Variants in HNRNPM observed in about 807,000 individuals in gnomAD.
HNRNPM encodes the protein heterogeneous nuclear ribonucleoprotein M.
HNRNPM carries 11 observed loss-of-function variants against 73.1 expected under a neutral mutation model. That is an observed-to-expected ratio of 0.15 (90% confidence interval 0.09 to 0.25). The LOEUF (loss-of-function observed/expected upper bound fraction) is 0.25. Among genes scored for constraint, HNRNPM ranks in the 10% least tolerant of loss-of-function variants. HNRNPM has a pLI of 1.00. For missense variants in HNRNPM, 789 were observed against 1,067.9 expected (o/e 0.74, Z 3.64); for synonymous variants, 407 against 355.2 (o/e 1.15, Z -1.64).
chr19:8,485,554 G>A (rs377132951), intron 13 of HNRNPM, 49 bp from the exon 14 acceptor site: 36 of 1,547,628 alleles, frequency 2.3e-5, no homozygotes, highest in African/African-American at 8.1e-5. Flanking sequence ...TTGTGCACAC[G>A]CACACTCAAG....
In HNRNPM at chr19:8,486,183, T is replaced by C. The variant is rs1599860555; in HGVS notation, c.1755T>C (p.Gly585=). Residue 585 remains glycine, a synonymous_variant, in exon 14 of 16, where the codon GGT becomes GGC. Coordinates refer to ENST00000325495, the MANE Select transcript of HNRNPM (RefSeq NM_005968.5). The part of the protein sequence containing the change: ...SLERMGLERM[G]ANSLERMGPA... ...AGCGCATGGGCCTGGAGCGCATGGG[T>C]GCCAACAGCCTCGAGCGCATGGGCC... 4 of 1,583,072 alleles carry C rather than the reference T, an allele frequency of 2.5e-6. No homozygotes were observed. The highest frequency in any genetic ancestry group is 3.4e-6 in the Non-Finnish European group (4 of 1,163,580).
chr19:8,488,589 C>T, intron 15 of HNRNPM, 102 bp from the exon 16 acceptor site: 1 of 1,009,088 alleles, frequency 9.9e-7, no homozygotes, highest in South Asian at 1.7e-5. Flanking sequence ...GTATTCTGAG[C>T]CTTTGTGCTC....
chr19:8,466,575 C>A lies in HNRNPM; in HGVS notation c.784+187C>A, dbSNP rs1227888251. On this transcript the variant is annotated intron_variant, in intron 7 of 15. Coordinates refer to ENST00000325495, the MANE Select transcript of HNRNPM (RefSeq NM_005968.5). The stretch of plus-strand genomic sequence containing the variant: ...GGTCACGGTGGCTCACGCCTGTAAT[C>A]CCAGCACTTCGGGAGGCCAAGGCGG... 2.0e-5 allele frequency among the ~76,000 whole-genome samples: 3 copies of A among 152,108 alleles called. No homozygotes were observed. The East Asian group carries it at 5.8e-4, about 29-fold the overall frequency.
At chr19:8,480,811 T>C (rs1201550453) in intron 12 of HNRNPM, among the ~76,000 whole-genome samples, 1 of 152,216 alleles carries the variant, frequency 6.6e-6, no homozygotes, top group Non-Finnish European at 1.5e-5. Flanking sequence ...GGATGTGGGC[T>C]TCTTGCCTTT....
intron 15 of HNRNPM, chr19:8,487,396 A>G: frequency 2.9e-6 from 1 of 344,370 alleles, no homozygotes. Flanking sequence ...GCAAGGCTAA[A>G]TAAATACATC....
chr19:8,474,687 T>G (rs1970381302), intron 12 of HNRNPM, among the ~76,000 whole-genome samples: 1 of 150,518 alleles, frequency 6.6e-6, no homozygotes, highest in Non-Finnish European at 1.5e-5. Flanking sequence ...CAAATTCTGG[T>G]TTAGTATAAT....
chr19:8,451,687 C>G (rs1482635512), intron 1 of HNRNPM, among the ~76,000 whole-genome samples: 4 of 151,942 alleles, frequency 2.6e-5, no homozygotes, highest in East Asian at 3.9e-4. Context: ...ACCAACATAC[C>G]TGGCTAATTT....
intron 5 of HNRNPM, 91 bp downstream of exon 5, chr19:8,463,777 G>C: frequency 1.2e-6 from 1 of 858,780 alleles, no homozygotes. Flanking sequence ...GTCCCAGACG[G>C]CATTTACAAA....
chr19:8,445,285 G>T, intron 1 of HNRNPM, 174 bp downstream of exon 1: 1 of 519,822 alleles, frequency 1.9e-6, no homozygotes, highest in Non-Finnish European at 3.1e-6. Context: ...GGAGCCGGGG[G>T]AGCCTCCAGA....
At chr19:8,459,777 C>T (rs1466508941) in intron 2 of HNRNPM, among the ~76,000 whole-genome samples, 3 of 152,174 alleles carry the variant, frequency 2.0e-5, no homozygotes, top group Non-Finnish European at 4.4e-5. Flanking sequence ...TTGGGTTGCT[C>T]ATCTGCTTAT....
chr19:8,477,609 G>A (rs963959163), intron 12 of HNRNPM, among the ~76,000 whole-genome samples: 1 of 145,648 alleles, frequency 6.9e-6, no homozygotes, highest in Non-Finnish European at 1.5e-5. Context: ...GCATGATCAC[G>A]CCACTGCATT....
intron 8 of HNRNPM, 103 bp downstream of exon 8, chr19:8,467,687 C>CT (rs1657714260): frequency 4.4e-6 from 4 of 912,826 alleles, no homozygotes; most frequent in Admixed American, 1.8e-5. Flanking sequence ...GTGGATTAGT[C>CT]TAAGTTAAAT....
At chr19:8,474,140 A>G (rs1210536508) in intron 11 of HNRNPM, 27 bp from the exon 12 acceptor site, 1 of 1,538,986 alleles carries the variant, frequency 6.5e-7, no homozygotes. Context: ...TTGTTGGATG[A>G]TGCTGAAATG....
intron 15 of HNRNPM, chr19:8,487,452 G>A (rs536627221): frequency 5.9e-5 from 15 of 255,588 alleles, no homozygotes; most frequent in African/African-American, 1.1e-4. Flanking sequence ...GTGGGGCCTC[G>A]GAGAGAACAC....
At chr19:8,445,161 C>A in intron 1 of HNRNPM, 50 bp downstream of exon 1, 1 of 1,325,058 alleles carries the variant, frequency 7.5e-7, no homozygotes. Flanking sequence ...TCTCCGCGGC[C>A]GACGCGGGCG....
chr19:8,483,633 T>C (rs573670240), intron 13 of HNRNPM, among the ~76,000 whole-genome samples: 136 of 152,282 alleles, frequency 8.9e-4, no homozygotes, highest in Admixed American at 1.5e-3. Flanking sequence ...GCTTGTAAAA[T>C]AGATAAATGT....
chr19:8,447,718 C>G (rs187070604), intron 1 of HNRNPM, among the ~76,000 whole-genome samples: 4 of 152,006 alleles, frequency 2.6e-5, no homozygotes, highest in Admixed American at 2.0e-4. Context: ...AACCCTGTCT[C>G]TACCAAAAAA....
chr19:8,451,131 T>C (rs1599747141), intron 1 of HNRNPM, among the ~76,000 whole-genome samples: 1 of 152,084 alleles, frequency 6.6e-6, no homozygotes, highest in African/African-American at 2.4e-5. Context: ...GGTCTCAAAC[T>C]CCTGACCTAA....
At chr19:8,486,826 A>C (rs1340125608) in intron 14 of HNRNPM, among the ~76,000 whole-genome samples, 198 bp from the exon 15 acceptor site, 1 of 152,182 alleles carries the variant, frequency 6.6e-6, no homozygotes, top group Non-Finnish European at 1.5e-5. Flanking sequence ...GCAGAGCCCC[A>C]GGGAGGGAGC....
Sources: gnomAD v4.1 joint callset for allele counts (sites outside exome capture counted in the v4.1 genomes callset) on GRCh38, gnomAD v4.1.1 for gene constraint, MANE v1.5 for transcripts, NCBI Gene and HGNC (gene_info 2026-07-23, HGNC 2026-07-21) for gene names.